TYW3: variants seen among roughly 807,000 people sequenced by gnomAD.
TYW3 encodes tRNA-yW synthesizing protein 3 homolog, also known as tRNA wybutosine-synthesizing protein 3 homolog.
A neutral mutation model predicts 23.1 loss-of-function variants in TYW3; 26 were observed. That is an observed-to-expected ratio of 1.13 (90% CI 0.83 to 1.56). The LOEUF (loss-of-function observed/expected upper bound fraction) is 1.56. Ranked by LOEUF, TYW3 falls within the 40% of genes most tolerant of loss-of-function variation. The pLI is 0.00. For missense variants in TYW3, 316 were observed against 311.9 expected (o/e 1.01, Z -0.10); for synonymous variants, 102 against 105.7 (o/e 0.97, Z 0.21).
chr1:74,742,472 G>A (rs1417680496), intron 3 of TYW3, among the ~76,000 whole-genome samples: 5 of 152,168 alleles, frequency 3.3e-5, no homozygotes, highest in Admixed American at 1.3e-4. Context: ...CTCTGTTTCG[G>A]TTGGGGAATA....
intron 4 of TYW3, chr1:74,751,529 C>T (rs1351665230): frequency 6.6e-6 from 1 of 152,102 alleles, no homozygotes; most frequent in East Asian, 1.9e-4. Context: ...CAAAATTAGC[C>T]AGGCGTGGCG....
At chr1:74,742,734 A>C (rs1557743872) in intron 3 of TYW3, among the ~76,000 whole-genome samples, 1 of 152,024 alleles carries the variant, frequency 6.6e-6, no homozygotes, top group Non-Finnish European at 1.5e-5. Context: ...GAGGTTAGGA[A>C]CTCCCTTTCT....
At chr1:74,761,306 C>A (rs1479898984) in intron 5 of TYW3, among the ~76,000 whole-genome samples, 1 of 151,754 alleles carries the variant, frequency 6.6e-6, no homozygotes, top group Non-Finnish European at 1.5e-5. Flanking sequence ...GTTTTGGTAC[C>A]CTAAGGACAT....
At chr1:74,756,194 T>G (rs1340598029) in intron 5 of TYW3, among the ~76,000 whole-genome samples, 1 of 152,176 alleles carries the variant, frequency 6.6e-6, no homozygotes, top group African/African-American at 2.4e-5. Context: ...AGTAAATTGG[T>G]ACCACTATAG....
intron 2 of TYW3, among the ~76,000 whole-genome samples, chr1:74,737,698 G>A (rs55895041): frequency 0.35 from 52,975 of 152,098 alleles, 11,580 homozygotes; most frequent in Non-Finnish European, 0.49. Flanking sequence ...AGACTACGCC[G>A]CAGGATACAC....
chr1:74,753,106 G>C (rs1648845024), intron 5 of TYW3, among the ~76,000 whole-genome samples: 1 of 152,206 alleles, frequency 6.6e-6, no homozygotes, highest in Non-Finnish European at 1.5e-5. Flanking sequence ...ATATATGAAA[G>C]TAATGCCACT....
chr1:74,749,114 A>G (rs1052596384), intron 4 of TYW3, among the ~76,000 whole-genome samples: 3 of 152,206 alleles, frequency 2.0e-5, no homozygotes, highest in Admixed American at 2.0e-4. Flanking sequence ...TCATGGAAAG[A>G]GTCACAGAGA....
chr1:74,764,387 CAA>C lies in TYW3; in HGVS notation c.*276_*277del, dbSNP rs1333966507. ...TCCCAGAAGCACCTGCTTAATAAAT[CAA>C]AGATGTTTGAATGGTGTCTTATTCT... On this transcript the variant is annotated 3_prime_UTR_variant, in exon 6 of 6. Transcript: ENST00000370867. 4 of 289,436 alleles carry C rather than the reference CAA, an allele frequency of 1.4e-5. No homozygotes were observed. The highest frequency in any genetic ancestry group is 8.7e-5 in the African/African-American group (4 of 45,802). 17.9% of individuals were successfully genotyped at this position (289,436 alleles called of 1,614,324 possible). A position where few individuals can be genotyped will look rare whatever the true frequency, so the allele number is the denominator to read the frequency against.
chr1:74,748,802 AAG>A lies in TYW3; in HGVS notation c.411_412del (p.Gly138LysfsTer19). 1.9e-6 allele frequency: 3 copies of A among 1,614,056 alleles called. No individual in the cohort carries two copies. The highest frequency in any genetic ancestry group is 2.5e-6 in the Non-Finnish European group (3 of 1,179,952). On this transcript the variant is annotated frameshift_variant, in exon 4 of 6. Coordinates refer to ENST00000370867, the MANE Select transcript of TYW3 (RefSeq NM_138467.3). LOFTEE classifies it high-confidence loss of function. Reference protein sequence around the residue: ...GFRNSGITVGKRGKTMLAVRS... With the variant: ...GFRNSGITVGXRGKTMLAVRS... ...CAGGAACTCTGGCATAACGGTGGGA[AAG>A]AGAGGAAAAACTATGTTGGTAAGAT... is the stretch of plus-strand genomic sequence containing the variant.
At chr1:74,759,940 G>A (rs1212943249) in intron 5 of TYW3, among the ~76,000 whole-genome samples, 1 of 152,132 alleles carries the variant, frequency 6.6e-6, no homozygotes, top group African/African-American at 2.4e-5. Flanking sequence ...CACCGCACCT[G>A]GCTGACATAT....
In TYW3 at chr1:74,733,310, G is replaced by T. The variant is rs757364923; in HGVS notation, c.66G>T (p.Arg22=). The change falls in exon 1 of 6, where the codon CGG becomes CGT. Residue 22 remains arginine, a synonymous_variant. Coordinates refer to ENST00000370867, the MANE Select transcript of TYW3 (RefSeq NM_138467.3). ...AQCLSKADLS[R]KGSVDEDVVE... ...GTTTGAGCAAAGCGGACCTCAGCCG[G>T]AAGGGCAGTGTTGACGAGGATGTGG... 6.2e-7 allele frequency: 1 copy of T among 1,614,228 alleles called. No homozygotes were observed. Among genetic ancestry groups the T allele is most frequent in the Non-Finnish European group, 8.5e-7 (1 of 1,180,038 alleles).
intron 3 of TYW3, among the ~76,000 whole-genome samples, chr1:74,739,773 T>C (rs1365246768): frequency 6.6e-6 from 1 of 152,146 alleles, no homozygotes; most frequent in African/African-American, 2.4e-5. Flanking sequence ...GAGAAAGGAG[T>C]GCAGTAAGTG....
chr1:74,752,999 A>G (rs556575299), intron 5 of TYW3, among the ~76,000 whole-genome samples: 1 of 152,098 alleles, frequency 6.6e-6, no homozygotes, highest in Non-Finnish European at 1.5e-5. Context: ...CTTCATCGTT[A>G]CCTCCTGGCA....
At chr1:74,733,584 A>G in intron 1 of TYW3, 166 bp downstream of exon 1, 2 of 982,630 alleles carry the variant, frequency 2.0e-6, no homozygotes, top group Non-Finnish European at 2.4e-6. Context: ...CAGTGCTTCT[A>G]AAAGTTTAAC....
At chr1:74,733,476 CTGT>C (rs1173564189) in intron 1 of TYW3, 58 bp downstream of exon 1, 9 of 1,590,706 alleles carry the variant, frequency 5.7e-6, no homozygotes, top group Non-Finnish European at 7.7e-6. Context: ...TTCAGGAGCC[CTGT>C]TCCCATCCAG....
chr1:74,754,851 T>C (rs1183579689), intron 5 of TYW3, among the ~76,000 whole-genome samples: 2 of 152,020 alleles, frequency 1.3e-5, no homozygotes, highest in Non-Finnish European at 2.9e-5. Context: ...ACAGCTAATT[T>C]GGAGACTGGA....
chr1:74,742,557 G>A lies in TYW3; in HGVS notation c.354+3769G>A, dbSNP rs148333231. On this transcript the variant is annotated intron_variant, in intron 3 of 5. Coordinates refer to ENST00000370867, the MANE Select transcript of TYW3 (RefSeq NM_138467.3). ...GTAGGTATTTCTAATGGGATGTTCT[G>A]CCTGGCAGCAATTTTAGCCTCAGCA... 5.3e-4 allele frequency among the ~76,000 whole-genome samples: 81 copies of A among 152,238 alleles called. 1 individual carries two copies. Among genetic ancestry groups the A allele is most frequent in the African/African-American group, 1.8e-3 (76 of 41,530 alleles).
chr1:74,741,110 G>A (rs866819701), intron 3 of TYW3, among the ~76,000 whole-genome samples: 9 of 152,186 alleles, frequency 5.9e-5, no homozygotes, highest in East Asian at 3.9e-4. Context: ...AGTTGAGCTC[G>A]TTTGGCTACA....
At chr1:74,734,237 C>A (rs1438343535) in intron 1 of TYW3, 2 of 152,172 alleles carry the variant, frequency 1.3e-5, no homozygotes, top group African/African-American at 4.8e-5. Context: ...TTGAGCCAAC[C>A]AGCTCCTTCC....
Sources: allele counts gnomAD v4.1 joint callset (sites outside exome capture counted in the v4.1 genomes callset), GRCh38; gene constraint gnomAD v4.1.1; transcripts MANE v1.5; gene names NCBI Gene and HGNC (gene_info 2026-07-23, HGNC 2026-07-21).